TIMP3: variants seen among roughly 807,000 people sequenced by gnomAD.
The protein encoded by TIMP3 is metalloproteinase inhibitor 3.
In TIMP3, 11 loss-of-function variants were observed where a neutral mutation model predicts 30.0. That is an observed-to-expected ratio of 0.37 (90% CI 0.23 to 0.61). TIMP3 has a LOEUF of 0.61. Ranked by LOEUF, TIMP3 falls within the 20% of genes least tolerant of loss-of-function variation. TIMP3 has a pLI of 0.70. For synonymous variants in TIMP3, 112 were observed against 111.3 expected, an observed-to-expected ratio of 1.01 and a Z score of -0.04; for missense variants, 181 against 276.8, an observed-to-expected ratio of 0.65 and a Z score of 2.45.
Position 32,857,416 on chromosome 22 carries a change from G to A in TIMP3, c.316+56G>A. 6.1e-6 allele frequency: 8 copies of A among 1,305,566 alleles called. No homozygotes were observed. The South Asian group carries it at 9.5e-5, about 15-fold the overall frequency. The allele number at this position is 1,305,566 out of a possible 1,614,324, so 80.9% of individuals were successfully genotyped here. ...GTTTGGCCAAGGTCCACTGTTTCTT[G>A]ACTTCAGAAGAACACATACGGAGTA... is the stretch of plus-strand genomic sequence containing the variant. On this transcript the variant is annotated intron_variant, in intron 3 of 4. Transcript: ENST00000266085.
At chr22:32,807,820 G>T (rs2046806064) in intron 1 of TIMP3, among the ~76,000 whole-genome samples, 1 of 151,858 alleles carries the variant, frequency 6.6e-6, no homozygotes, top group African/African-American at 2.4e-5. Context: ...AATAGTTCCT[G>T]CCAATTTGGC....
At chr22:32,852,519 A>G (rs1319359832) in intron 2 of TIMP3, among the ~76,000 whole-genome samples, 2 of 152,252 alleles carry the variant, frequency 1.3e-5, no homozygotes, top group Non-Finnish European at 2.9e-5. Context: ...ACTTTGTTCT[A>G]GCAGATTAGA....
rs1375923477 is a variant in TIMP3, at chr22:32,859,127, C to T, written c.439-53C>T. ...TGAATCCAGGCTCGGTAGCCTCAGG[C>T]CTGGGCATACCATGGCAGAGTCCAT... On this transcript the variant is annotated intron_variant, in intron 4 of 4. Coordinates refer to ENST00000266085, the MANE Select transcript of TIMP3 (RefSeq NM_000362.5). 6.2e-6 allele frequency: 10 copies of T among 1,600,318 alleles called. No homozygotes were observed. The South Asian group carries it at 9.9e-5, about 16-fold the overall frequency.
chr22:32,858,376 C>T (rs2048436880), intron 4 of TIMP3, among the ~76,000 whole-genome samples: 1 of 152,184 alleles, frequency 6.6e-6, no homozygotes, highest in South Asian at 2.1e-4. Flanking sequence ...CCATGATGAC[C>T]ACTTGGAAGC....
At chr22:32,820,505 G>A (rs1184442421) in intron 1 of TIMP3, among the ~76,000 whole-genome samples, 7 of 152,124 alleles carry the variant, frequency 4.6e-5, no homozygotes, top group African/African-American at 1.7e-4. Flanking sequence ...CACCTGGCTG[G>A]TTGACTTCTT....
At chr22:32,853,020 C>T (rs954932306) in intron 2 of TIMP3, among the ~76,000 whole-genome samples, 3 of 152,190 alleles carry the variant, frequency 2.0e-5, no homozygotes, top group African/African-American at 4.8e-5. Context: ...TGGGGAGACC[C>T]GCTGGTCATG....
At position 32,857,511 on chromosome 22, in the gene TIMP3, C is replaced by T; in HGVS notation, c.316+151C>T. The T allele has an allele frequency of 4.2e-6, 3 of 716,962 alleles. No individual in the cohort carries two copies. In the South Asian group the frequency reaches 4.6e-5, roughly 11 times the overall value. The allele number at this position is 716,962 out of a possible 1,614,324, so 44.4% of individuals were successfully genotyped here. A position where few individuals can be genotyped will look rare whatever the true frequency, so the allele number is the denominator to read the frequency against. ...TTGAATTCATCCCACTTACCCAGTG[C>T]TAGGAGCTTGAGGCTCCTACACTTA... is the stretch of plus-strand genomic sequence containing the variant. On this transcript the variant is annotated intron_variant, in intron 3 of 4. Transcript: ENST00000266085.
chr22:32,818,993 A>G (rs918454065), intron 1 of TIMP3, among the ~76,000 whole-genome samples: 2 of 152,204 alleles, frequency 1.3e-5, no homozygotes, highest in African/African-American at 4.8e-5. Context: ...CTCCTCTGAC[A>G]CAGTTATAAA....
chr22:32,818,334 T>A (rs758464414), intron 1 of TIMP3, among the ~76,000 whole-genome samples: 24 of 152,074 alleles, frequency 1.6e-4, no homozygotes, highest in Non-Finnish European at 2.6e-4. Flanking sequence ...GCACTCACAT[T>A]TAGAATGGGG....
intron 1 of TIMP3, among the ~76,000 whole-genome samples, chr22:32,820,315 T>C (rs1465529313): frequency 6.6e-6 from 1 of 150,992 alleles, no homozygotes. Context: ...TTCTACTCCG[T>C]GTGTGTGTCA....
intron 1 of TIMP3, among the ~76,000 whole-genome samples, chr22:32,843,697 G>C (rs891653944): frequency 6.6e-6 from 1 of 152,136 alleles, no homozygotes; most frequent in African/African-American, 2.4e-5. Flanking sequence ...GGCCGAAGAT[G>C]CGAGCCCATG....
intron 1 of TIMP3, among the ~76,000 whole-genome samples, chr22:32,817,652 AGTTCCTTCCTGTGGTCATGACTT>A (rs2047123058): frequency 6.6e-6 from 1 of 152,204 alleles, no homozygotes; most frequent in Non-Finnish European, 1.5e-5. Context: ...CCAGATTTAA[AGTTCCTTCCTGTGGTCATGACTT>A]GTTTTATAAT....
chr22:32,834,455 AC>A (rs2047672238), intron 1 of TIMP3, among the ~76,000 whole-genome samples: 2 of 152,078 alleles, frequency 1.3e-5, no homozygotes, highest in Non-Finnish European at 2.9e-5. Context: ...GAGCCACTGC[AC>A]CCGGCCAAGC....
At chr22:32,840,447 G>A (rs1380921622) in intron 1 of TIMP3, among the ~76,000 whole-genome samples, 1 of 152,028 alleles carries the variant, frequency 6.6e-6, no homozygotes, top group East Asian at 1.9e-4. Context: ...CCTATTTGTG[G>A]GACTTCTCTG....
intron 1 of TIMP3, among the ~76,000 whole-genome samples, chr22:32,820,041 G>A (rs1046751266): frequency 6.6e-6 from 1 of 152,078 alleles, no homozygotes; most frequent in African/African-American, 2.4e-5. Context: ...GGTGTGGGGG[G>A]TGGTGCAAGC....
intron 1 of TIMP3, among the ~76,000 whole-genome samples, chr22:32,818,330 A>G (rs1459870555): frequency 1.3e-5 from 2 of 152,100 alleles, no homozygotes; most frequent in Non-Finnish European, 2.9e-5. Context: ...AGGGGCACTC[A>G]CATTTAGAAT....
intron 1 of TIMP3, among the ~76,000 whole-genome samples, chr22:32,817,687 T>C (rs1270556704): frequency 6.6e-6 from 1 of 152,214 alleles, no homozygotes; most frequent in East Asian, 1.9e-4. Context: ...TTTTATAATC[T>C]TGCTTGGCTC....
At chr22:32,807,293 G>GATATAT (rs5845033) in intron 1 of TIMP3, among the ~76,000 whole-genome samples, 1 of 124,794 alleles carries the variant, frequency 8.0e-6, no homozygotes, top group Non-Finnish European at 1.6e-5. Flanking sequence ...TGGTTTGGAG[G>GATATAT]ATATATATAT....
chr22:32,843,921 T>G (rs989159083), intron 1 of TIMP3, among the ~76,000 whole-genome samples: 3 of 151,944 alleles, frequency 2.0e-5, no homozygotes, highest in Admixed American at 2.0e-4. Context: ...GAGACAGGAA[T>G]GGGGGTGTTG....
Sources: allele counts gnomAD v4.1 joint callset (sites outside exome capture counted in the v4.1 genomes callset), GRCh38; gene constraint gnomAD v4.1.1; transcripts MANE v1.5; gene names NCBI Gene and HGNC (gene_info 2026-07-23, HGNC 2026-07-21).